The following WWOX variants were observed in gnomAD, a reference collection of about 807,000 sequenced individuals.
WWOX encodes the protein WW domain-containing oxidoreductase.
WWOX carries 69 observed loss-of-function variants against 46.2 expected under a neutral mutation model. The ratio of observed to expected loss-of-function variants is 1.49; its 90% CI spans 1.23 to 1.82. The LOEUF (loss-of-function observed/expected upper bound fraction) is 1.82, where lower values mean the gene tolerates loss of function less well. WWOX is among the 40% of genes most tolerant of loss of function. The pLI, the probability that WWOX is intolerant of heterozygous loss-of-function variation, is 0.00. For missense variants in WWOX, 919 were observed against 542.6 expected, an observed-to-expected ratio of 1.69 and a Z score of -6.89; for synonymous variants, 359 against 202.6, an observed-to-expected ratio of 1.77 and a Z score of -6.56.
chr16:78,733,264 G>C (rs2142389935), intron 8 of WWOX, among the ~76,000 whole-genome samples: 1 of 152,194 alleles, frequency 6.6e-6, no homozygotes, highest in East Asian at 1.9e-4. Context: ...CTGCCAGCCT[G>C]GGCAACATAG....
intron 8 of WWOX, among the ~76,000 whole-genome samples, chr16:78,805,518 C>T (rs954783146): frequency 2.0e-5 from 3 of 151,972 alleles, no homozygotes; most frequent in African/African-American, 2.4e-5. Flanking sequence ...TTCCTGACAT[C>T]GTGATCCGCC....
intron 8 of WWOX, among the ~76,000 whole-genome samples, chr16:78,663,971 A>T (rs1484944918): frequency 2.0e-5 from 3 of 152,178 alleles, no homozygotes; most frequent in Non-Finnish European, 4.4e-5. Context: ...CCACTGTATG[A>T]CGTCTGGATT....
chr16:78,155,035 T>A (rs998272816), intron 4 of WWOX, among the ~76,000 whole-genome samples: 3 of 152,202 alleles, frequency 2.0e-5, no homozygotes, highest in Non-Finnish European at 4.4e-5. Flanking sequence ...GCTTCTCAGC[T>A]AACCTGTCAC....
chr16:78,986,522 G>A lies in WWOX; in HGVS notation c.1057-225086G>A, dbSNP rs1227638000. Among the ~76,000 whole-genome samples the A allele has an allele frequency of 2.0e-5, 3 of 152,166 alleles. No homozygotes were observed. The East Asian group carries it at 5.8e-4, about 29-fold the overall frequency. ...ATTTTCTTTTTAGGATTTCATGTAAGTAACCTGTGCAGAGAGTGAGGATAA... is the reference window on the plus strand; with the variant it reads ...ATTTTCTTTTTAGGATTTCATGTAAATAACCTGTGCAGAGAGTGAGGATAA... On this transcript the variant is annotated intron_variant, in intron 8 of 8. Transcript: ENST00000566780.
At chr16:78,392,008 T>TC (rs57627624) in intron 6 of WWOX, among the ~76,000 whole-genome samples, 1 of 148,246 alleles carries the variant, frequency 6.7e-6, no homozygotes, top group Non-Finnish European at 1.5e-5. Context: ...TTTTTTTTTT[T>TC]CCTTAAAAAA....
intron 8 of WWOX, among the ~76,000 whole-genome samples, chr16:78,617,001 C>G (rs1597353613): frequency 6.6e-6 from 1 of 152,184 alleles, no homozygotes; most frequent in African/African-American, 2.4e-5. Flanking sequence ...TGAGAAGACA[C>G]AAAACCCAGC....
intron 8 of WWOX, among the ~76,000 whole-genome samples, chr16:78,616,965 A>G (rs906091569): frequency 5.3e-5 from 8 of 152,166 alleles, no homozygotes; most frequent in African/African-American, 9.7e-5. Context: ...TTAACAAGAG[A>G]CACATGTCAG....
chr16:78,413,553 T>G (rs2082730210), intron 6 of WWOX, among the ~76,000 whole-genome samples: 1 of 152,016 alleles, frequency 6.6e-6, no homozygotes, highest in Non-Finnish European at 1.5e-5. Context: ...ATCAGTTAGG[T>G]AGGGACAGAA....
chr16:78,990,078 GGAGGCT>G (rs2046856267), intron 8 of WWOX, among the ~76,000 whole-genome samples: 1 of 151,760 alleles, frequency 6.6e-6, no homozygotes, highest in Admixed American at 6.6e-5. Flanking sequence ...CAGCTACTCG[GGAGGCT>G]GAAGTGGGAG....
chr16:78,483,884 C>G (rs2084561641), intron 8 of WWOX, among the ~76,000 whole-genome samples: 1 of 152,186 alleles, frequency 6.6e-6, no homozygotes, highest in South Asian at 2.1e-4. Flanking sequence ...ACAAAAACAT[C>G]TTGTGGTCAA....
At position 78,942,151 on chromosome 16, in the gene WWOX, AT is replaced by A. The variant is rs1419171197; in HGVS notation, c.1057-269455del. On this transcript the variant is annotated intron_variant, in intron 8 of 8. Coordinates refer to ENST00000566780, the MANE Select transcript of WWOX (RefSeq NM_016373.4). ...CTCCTTTTCTAGTAGCTTGGATGTGATTGGTATGGAGAAGCAGAGTGGGTGC... is the reference window on the plus strand; with the variant it reads ...CTCCTTTTCTAGTAGCTTGGATGTGATGGTATGGAGAAGCAGAGTGGGTGC... 1.1e-4 allele frequency among the ~76,000 whole-genome samples: 17 copies of A among 152,210 alleles called. No homozygotes were observed. The East Asian group carries it at 2.9e-3, about 26-fold the overall frequency.
At chr16:78,254,754 C>T (rs1052327899) in intron 5 of WWOX, among the ~76,000 whole-genome samples, 9 of 152,008 alleles carry the variant, frequency 5.9e-5, no homozygotes, top group African/African-American at 1.2e-4. Flanking sequence ...GTCTCGAACT[C>T]GCAAGTTCAA....
At chr16:78,908,334 G>C (rs886515466) in intron 8 of WWOX, among the ~76,000 whole-genome samples, 22 of 152,218 alleles carry the variant, frequency 1.4e-4, no homozygotes, top group African/African-American at 3.4e-4. Context: ...GAGGTCAGGA[G>C]TTTGAGACCA....
chr16:79,001,942 A>G (rs994694782), intron 8 of WWOX, among the ~76,000 whole-genome samples: 6 of 152,132 alleles, frequency 3.9e-5, no homozygotes, highest in African/African-American at 1.2e-4. Flanking sequence ...GAGGGAAGAA[A>G]AAAAGATGTA....
chr16:78,980,992 A>G (rs1407561897), intron 8 of WWOX, among the ~76,000 whole-genome samples: 4 of 152,208 alleles, frequency 2.6e-5, no homozygotes, highest in African/African-American at 9.6e-5. Flanking sequence ...TGGCTTATGT[A>G]GAAATCTGTG....
At chr16:78,822,927 A>C (rs7192705) in intron 8 of WWOX, among the ~76,000 whole-genome samples, 1 of 151,638 alleles carries the variant, frequency 6.6e-6, no homozygotes, top group Non-Finnish European at 1.5e-5. Flanking sequence ...CCAAAAAACT[A>C]AAAGAAAAAA....
chr16:78,409,385 C>A (rs575198308), intron 6 of WWOX, among the ~76,000 whole-genome samples: 1 of 152,212 alleles, frequency 6.6e-6, no homozygotes, highest in Admixed American at 6.5e-5. Context: ...CTCCTGACAC[C>A]TAGCCCCTGG....
intron 5 of WWOX, 144 bp from the exon 6 acceptor site, chr16:78,386,716 C>A (rs1046804261): frequency 3.5e-6 from 2 of 571,606 alleles, no homozygotes; most frequent in African/African-American, 3.9e-5. Context: ...TTCTTCCATT[C>A]ATTCCGATGA....
intron 8 of WWOX, among the ~76,000 whole-genome samples, chr16:78,599,223 C>T (rs1274108961): frequency 2.6e-5 from 4 of 152,232 alleles, no homozygotes; most frequent in Non-Finnish European, 5.9e-5. Flanking sequence ...GCGTCTTGCA[C>T]ATTTTCCTTT....
Sources: allele counts gnomAD v4.1 joint callset (sites outside exome capture counted in the v4.1 genomes callset), GRCh38; gene constraint gnomAD v4.1.1; transcripts MANE v1.5; gene names NCBI Gene and HGNC (gene_info 2026-07-23, HGNC 2026-07-21).